RMDN2: variants seen among roughly 807,000 people sequenced by gnomAD.
The protein encoded by RMDN2 is regulator of microtubule dynamics protein 2.
Under a neutral mutation model 52.8 loss-of-function variants are expected in RMDN2, and 61 were observed. The observed-to-expected ratio is 1.16, with a 90% CI of 0.94 to 1.43. The LOEUF is 1.43. RMDN2 is among the 40% of genes most tolerant of loss of function. The pLI, the probability that RMDN2 is intolerant of heterozygous loss-of-function variation, is 0.00. For missense variants in RMDN2, 592 were observed against 475.3 expected (o/e 1.25, Z -2.28); for synonymous variants, 180 against 153.1 (o/e 1.18, Z -1.30).
At position 37,981,249 on chromosome 2, in the gene RMDN2, G is replaced by A. The variant is rs570405006; in HGVS notation, c.731-34G>A. On this transcript the variant is annotated intron_variant, in intron 4 of 10. Transcript: ENST00000354545. ...TAATCCACCTCCTACCAACTCACAT[G>A]AAGGTATTAAGTGTAAGTACTTTTA... 9 of 1,262,386 alleles carry A rather than the reference G, an allele frequency of 7.1e-6. No individual in the cohort carries two copies. In the African/African-American group the frequency reaches 7.3e-5, roughly 10 times the overall value. 78.2% of individuals were successfully genotyped at this position (1,262,386 alleles called of 1,614,324 possible). A position where few individuals can be genotyped will look rare whatever the true frequency, so the allele number is the denominator to read the frequency against.
At chr2:37,950,632 G>T (rs779580515) in intron 2 of RMDN2, 3 of 1,605,100 alleles carry the variant, frequency 1.9e-6, no homozygotes, top group South Asian at 1.1e-5. Flanking sequence ...TGTGCTAAAA[G>T]AACATTGAAA....
chr2:38,053,546 A>G (rs1681719504), intron 10 of RMDN2, among the ~76,000 whole-genome samples: 1 of 152,160 alleles, frequency 6.6e-6, no homozygotes, highest in African/African-American at 2.4e-5. Flanking sequence ...AGTCCACAAA[A>G]CGGTTTGCAA....
At chr2:37,998,617 C>T (rs1675894931) in intron 8 of RMDN2, among the ~76,000 whole-genome samples, 1 of 152,080 alleles carries the variant, frequency 6.6e-6, no homozygotes. Flanking sequence ...ATTTGTAGAT[C>T]ATGTAGTCTA....
chr2:37,945,922 A>G (rs1032794068), intron 2 of RMDN2, among the ~76,000 whole-genome samples: 7 of 152,300 alleles, frequency 4.6e-5, no homozygotes, highest in East Asian at 1.9e-4. Flanking sequence ...AGTAAGGTGA[A>G]GGTGCATATG....
Position 37,978,515 on chromosome 2 carries a change from A to C in RMDN2, c.731-2768A>C, listed in dbSNP as rs149753666. 4.6e-5 allele frequency among the ~76,000 whole-genome samples: 7 copies of C among 152,224 alleles called. No individual in the cohort carries two copies. The East Asian group carries it at 7.7e-4, about 17-fold the overall frequency. ...TCATACATATACAAAAACGAATGGA[A>C]ATAAGCTCTTATTAAAGAAGAGTAC... On this transcript the variant is annotated intron_variant, in intron 4 of 10. Transcript: ENST00000354545.
intron 8 of RMDN2, chr2:38,002,874 G>A (rs554107393): frequency 1.3e-4 from 20 of 152,324 alleles, no homozygotes; most frequent in African/African-American, 4.8e-4. Context: ...CCCCCCTCTA[G>A]GGTGGAGACT....
At chr2:38,011,566 C>A (rs1321515617) in intron 10 of RMDN2, among the ~76,000 whole-genome samples, 1 of 152,100 alleles carries the variant, frequency 6.6e-6, no homozygotes, top group Non-Finnish European at 1.5e-5. Context: ...ATAAGACACA[C>A]CTGTTGCCTT....
At chr2:38,008,407 A>G (rs6727277) in intron 10 of RMDN2, among the ~76,000 whole-genome samples, 64,699 of 151,978 alleles carry the variant, frequency 0.43, 15,468 homozygotes, top group East Asian at 0.78. Context: ...GGGTGCATAT[A>G]TATTTAGGAT....
chr2:38,063,144 T>G (rs373119973), intron 10 of RMDN2, among the ~76,000 whole-genome samples: 11 of 152,184 alleles, frequency 7.2e-5, no homozygotes, highest in Admixed American at 4.6e-4. Context: ...GTAATGGGAT[T>G]GCTGGGTCAA....
chr2:38,019,725 G>A (rs533892136), downstream of RMDN2, among the ~76,000 whole-genome samples: 1 of 152,206 alleles, frequency 6.6e-6, no homozygotes, highest in South Asian at 2.1e-4. Context: ...ATTGAGCTCA[G>A]GAGTTCAAGA....
chr2:37,945,023 C>T lies in RMDN2; in HGVS notation c.452+15294C>T, dbSNP rs553651601. ...TACACCTTAGGTATTGGGATAACGTCGAAGAAAGAATAGTATCACTTGCAG... is the reference window on the plus strand; with the variant it reads ...TACACCTTAGGTATTGGGATAACGTTGAAGAAAGAATAGTATCACTTGCAG... On this transcript the variant is annotated intron_variant, in intron 2 of 10. Coordinates refer to ENST00000354545, the MANE Select transcript of RMDN2 (RefSeq NM_001170791.3). Among the ~76,000 whole-genome samples the T allele has an allele frequency of 5.3e-5, 8 of 152,190 alleles. No individual in the cohort carries two copies. In the South Asian group the frequency reaches 1.0e-3, roughly 20 times the overall value.
chr2:37,948,724 A>G (rs564418918), intron 2 of RMDN2, among the ~76,000 whole-genome samples: 37 of 152,202 alleles, frequency 2.4e-4, no homozygotes, highest in African/African-American at 8.9e-4. Context: ...TTCTTTTCTG[A>G]TGTCTGAGCA....
chr2:37,974,971 A>AGT, intron 3 of RMDN2: 2 of 444,166 alleles, frequency 4.5e-6, no homozygotes, highest in Non-Finnish European at 8.0e-6. Context: ...AGATGGAGCT[A>AGT]GTGTCTGGAT....
intron 10 of RMDN2, among the ~76,000 whole-genome samples, chr2:38,041,204 A>T (rs925168232): frequency 6.6e-6 from 1 of 152,156 alleles, no homozygotes; most frequent in African/African-American, 2.4e-5. Context: ...AAATGAGACA[A>T]TCAACACTAA....
At chr2:38,012,648 A>G in intron 10 of RMDN2, 3 of 459,684 alleles carry the variant, frequency 6.5e-6, no homozygotes, top group South Asian at 4.9e-5. Context: ...CAAGTAGTAA[A>G]GGTATGTAAG....
At chr2:38,023,678 C>T (rs1284764337) in intron 10 of RMDN2, among the ~76,000 whole-genome samples, 1 of 152,056 alleles carries the variant, frequency 6.6e-6, no homozygotes, top group Non-Finnish European at 1.5e-5. Flanking sequence ...CATTTTAGAA[C>T]CAAGTAAAGT....
chr2:37,991,064 T>C (rs543437753), intron 6 of RMDN2, among the ~76,000 whole-genome samples, 156 bp from the exon 7 acceptor site: 2 of 152,336 alleles, frequency 1.3e-5, no homozygotes, highest in African/African-American at 4.8e-5. Context: ...TTTTTGGTAA[T>C]TTAGTTATTG....
chr2:37,923,767 T>C (rs1285638750), upstream of RMDN2, among the ~76,000 whole-genome samples: 2 of 152,212 alleles, frequency 1.3e-5, no homozygotes, highest in African/African-American at 4.8e-5. Flanking sequence ...GCTCTTGTTT[T>C]TTGAGACAGA....
At position 37,929,566 on chromosome 2, in the gene RMDN2, A is replaced by C. The variant is rs1406161675; in HGVS notation, c.289A>C (p.Lys97Gln). 2 of 1,551,798 alleles carry C rather than the reference A, an allele frequency of 1.3e-6. No individual in the cohort carries two copies. The highest frequency in any genetic ancestry group is 1.4e-5 in the African/African-American group (1 of 73,044). ...EELKEEIRFL[K>Q]EAIPKLEEYI... is the part of the protein sequence containing the mutation. ...ACTCAAAGAGGAAATCAGATTTCTT[A>C]AAGAAGCTATTCCAAAGCTGGAGGA... is the stretch of plus-strand genomic sequence containing the variant. The change falls in exon 2 of 11, where the codon AAA becomes CAA. Residue 97 changes from lysine to glutamine, a missense_variant. Physicochemically the swap from Lys to Gln is moderately conservative, Grantham distance 53. Transcript: ENST00000354545.
Sources: gnomAD v4.1 joint callset for allele counts (sites outside exome capture counted in the v4.1 genomes callset) on GRCh38, gnomAD v4.1.1 for gene constraint, MANE v1.5 for transcripts, NCBI Gene and HGNC (gene_info 2026-07-23, HGNC 2026-07-21) for gene names.